CENPW: variants seen among roughly 807,000 people sequenced by gnomAD.
CENPW encodes the protein centromere protein W.
CENPW carries 3 observed loss-of-function variants against 11.1 expected under a neutral mutation model. The ratio of observed to expected loss-of-function variants is 0.27; its 90% CI spans 0.12 to 0.70. The LOEUF (loss-of-function observed/expected upper bound fraction) is 0.70. CENPW is among the 30% of genes least tolerant of loss of function. CENPW has a pLI of 0.77. For synonymous variants in CENPW, 38 were observed against 42.0 expected (o/e 0.91, Z 0.37); for missense variants, 100 against 105.6 (o/e 0.95, Z 0.23).
chr6:126,378,823 C>T, the CENPW span, among the ~76,000 whole-genome samples: 2 of 151,910 alleles, frequency 1.3e-5, no homozygotes, highest in East Asian at 1.9e-4. Context: ...AGGAAATACA[C>T]CTCATATTCT....
chr6:126,476,383 A>G, the CENPW span, among the ~76,000 whole-genome samples: 2 of 151,946 alleles, frequency 1.3e-5, no homozygotes, highest in African/African-American at 4.8e-5. Context: ...TTAGTGATCA[A>G]TTTTCTAAAA....
the CENPW span, among the ~76,000 whole-genome samples, chr6:126,431,139 A>C: frequency 6.6e-6 from 1 of 152,224 alleles, no homozygotes; most frequent in Non-Finnish European, 1.5e-5. Flanking sequence ...TCCTTAGGAC[A>C]GCCAAGGAGA....
chr6:126,414,499 C>T, the CENPW span, among the ~76,000 whole-genome samples: 5 of 152,124 alleles, frequency 3.3e-5, no homozygotes, highest in African/African-American at 7.2e-5. Flanking sequence ...TAGTGAGAAA[C>T]TTTTGAAAGG....
At chr6:126,391,026 G>A in the CENPW span, among the ~76,000 whole-genome samples, 1 of 151,394 alleles carries the variant, frequency 6.6e-6, no homozygotes, top group African/African-American at 2.4e-5. Flanking sequence ...TAGCTGTATT[G>A]CTACTTTGTG....
the CENPW span, among the ~76,000 whole-genome samples, chr6:126,399,948 C>G: frequency 6.6e-6 from 1 of 151,918 alleles, no homozygotes; most frequent in African/African-American, 2.4e-5. Flanking sequence ...GTTTAGCCAC[C>G]AAATAATGTT....
chr6:126,416,602 G>A, the CENPW span, among the ~76,000 whole-genome samples: 37 of 152,252 alleles, frequency 2.4e-4, no homozygotes, highest in Non-Finnish European at 4.3e-4. Context: ...GCAGCCTAGG[G>A]ACTTGGTGCC....
chr6:126,457,164 T>A, the CENPW span, among the ~76,000 whole-genome samples: 1 of 151,306 alleles, frequency 6.6e-6, no homozygotes, highest in Admixed American at 6.6e-5. Context: ...AAAAAATTGC[T>A]ATTTGACCCA....
Position 126,340,182 on chromosome 6 carries a change from C to G in CENPW, c.-92C>G. 8.4e-7 allele frequency: 1 copy of G among 1,193,836 alleles called. No homozygotes were observed. 74.0% of individuals were successfully genotyped at this position (1,193,836 alleles called of 1,614,324 possible). A position where few individuals can be genotyped will look rare whatever the true frequency, so the allele number is the denominator to read the frequency against. Reference sequence around the variant, plus strand: ...CTGCCTGAAGAAGCGTCATACGGACCGGATTGTTTTCGCTGGCCCAGTGTC... The same window carrying G: ...CTGCCTGAAGAAGCGTCATACGGACGGGATTGTTTTCGCTGGCCCAGTGTC... On this transcript the variant is annotated 5_prime_UTR_variant, in exon 1 of 3. Transcript: ENST00000368328.
At chr6:126,455,476 T>G in the CENPW span, among the ~76,000 whole-genome samples, 1 of 151,376 alleles carries the variant, frequency 6.6e-6, no homozygotes, top group Admixed American at 6.6e-5. Flanking sequence ...AACCACACAA[T>G]CATCTCAATA....
intron 1 of CENPW, among the ~76,000 whole-genome samples, chr6:126,340,992 T>C (rs1562378701): frequency 1.3e-5 from 2 of 152,024 alleles, no homozygotes; most frequent in Non-Finnish European, 2.9e-5. Flanking sequence ...GTAGGAAGAG[T>C]CCTCTCAACT....
At chr6:126,413,943 T>C in the CENPW span, among the ~76,000 whole-genome samples, 1 of 151,924 alleles carries the variant, frequency 6.6e-6, no homozygotes, top group South Asian at 2.1e-4. Context: ...CTGGTAAAGA[T>C]GTGTATAGAT....
the CENPW span, among the ~76,000 whole-genome samples, chr6:126,356,243 T>TA: frequency 2.0e-5 from 3 of 152,324 alleles, no homozygotes; most frequent in African/African-American, 7.2e-5. Flanking sequence ...CTTGAGTTTA[T>TA]AAACCACAAT....
At chr6:126,364,303 A>G in the CENPW span, among the ~76,000 whole-genome samples, 3 of 152,220 alleles carry the variant, frequency 2.0e-5, no homozygotes, top group Admixed American at 1.3e-4. Flanking sequence ...TCAAAGGAAC[A>G]GAAACCTGTG....
At chr6:126,451,227 C>T in the CENPW span, among the ~76,000 whole-genome samples, 1 of 150,938 alleles carries the variant, frequency 6.6e-6, no homozygotes, top group Non-Finnish European at 1.5e-5. Flanking sequence ...CACACCCTAC[C>T]TGTCTCTCCC....
At chr6:126,436,921 T>C in the CENPW span, among the ~76,000 whole-genome samples, 13 of 151,940 alleles carry the variant, frequency 8.6e-5, no homozygotes, top group African/African-American at 1.7e-4. Flanking sequence ...TTAAGATGTA[T>C]GAATTGATAG....
At chr6:126,421,664 T>C in the CENPW span, among the ~76,000 whole-genome samples, 1 of 152,028 alleles carries the variant, frequency 6.6e-6, no homozygotes, top group East Asian at 1.9e-4. Flanking sequence ...TTTCCCCTAG[T>C]CTTTCTGCTA....
chr6:126,473,249 G>A, the CENPW span, among the ~76,000 whole-genome samples: 1 of 152,214 alleles, frequency 6.6e-6, no homozygotes. Context: ...TTTGGTGGAT[G>A]TAAGTTTTTG....
chr6:126,476,088 G>GA, the CENPW span, among the ~76,000 whole-genome samples: 341 of 134,038 alleles, frequency 2.5e-3, no homozygotes, highest in Middle Eastern at 7.6e-3. Flanking sequence ...TTTTCCTATA[G>GA]AAAAAAAAAA....
At chr6:126,418,207 C>T in the CENPW span, among the ~76,000 whole-genome samples, 5 of 152,178 alleles carry the variant, frequency 3.3e-5, no homozygotes, top group Non-Finnish European at 7.3e-5. Context: ...AAATGTTAAA[C>T]ATAGATTTGC....
Sources: gnomAD v4.1 joint callset for allele counts (sites outside exome capture counted in the v4.1 genomes callset) on GRCh38, gnomAD v4.1.1 for gene constraint, MANE v1.5 for transcripts, NCBI Gene and HGNC (gene_info 2026-07-23, HGNC 2026-07-21) for gene names.